FAM83H: variants seen among roughly 807,000 people sequenced by gnomAD.
The protein encoded by FAM83H is protein FAM83H.
A neutral mutation model predicts 30.2 loss-of-function variants in FAM83H; 24 were observed. That is an observed-to-expected ratio of 0.79 (90% confidence interval 0.57 to 1.12). The LOEUF (loss-of-function observed/expected upper bound fraction) is 1.12. Ranked by LOEUF, FAM83H falls within the 50% of genes most tolerant of loss-of-function variation. The pLI, the probability that FAM83H is intolerant of heterozygous loss-of-function variation, is 0.00. For synonymous variants in FAM83H, 1,013 were observed against 821.7 expected, an observed-to-expected ratio of 1.23 and a Z score of -3.98; for missense variants, 2,038 against 1,773.9, an observed-to-expected ratio of 1.15 and a Z score of -2.67.
chr8:143,730,612 A>C lies in FAM83H; in HGVS notation c.-15-15T>G. 6.6e-7 allele frequency: 1 copy of C among 1,506,654 alleles called. No homozygotes were observed. Among genetic ancestry groups the C allele is most frequent in the South Asian group, 1.3e-5 (1 of 77,202 alleles). 93.3% of individuals were successfully genotyped at this position (1,506,654 alleles called of 1,614,324 possible). A position where few individuals can be genotyped will look rare whatever the true frequency, so the allele number is the denominator to read the frequency against. ...GGGCCAGGGGCCTGGAGGGGCAGGG[A>C]GACACATGACTAGGGGTGGGGGCAC... On this transcript the variant is annotated splice_polypyrimidine_tract_variant and intron_variant, in intron 1 of 4. Transcript: ENST00000388913.
chr8:143,732,213 T>C, intron 1 of FAM83H: 1 of 985,410 alleles, frequency 1.0e-6, no homozygotes. Flanking sequence ...AAATACCTGG[T>C]GCCACTCAAC....
At position 143,728,906 on chromosome 8, in the gene FAM83H, G is replaced by A. The variant is rs1185672552; in HGVS notation, c.737+61C>T. 3 of 1,611,242 alleles carry A rather than the reference G, an allele frequency of 1.9e-6. No homozygotes were observed. In the African/African-American group the frequency reaches 4.0e-5, roughly 22 times the overall value. On this transcript the variant is annotated intron_variant, in intron 4 of 4. Transcript: ENST00000388913. The stretch of plus-strand genomic sequence containing the variant: ...CGAGGAGGGCCCTGGTGTGGAAAGG[G>A]GGTGCTGGGGTTACAGGAGGAGGCC...
intron 1 of FAM83H, chr8:143,732,805 CAAGG>C (rs1818575508): frequency 1.1e-6 from 1 of 930,548 alleles, no homozygotes; most frequent in African/African-American, 1.8e-5. Context: ...AACGTCTGCC[CAAGG>C]GAGGGAGGGC....
chr8:143,726,723 C>T lies in FAM83H; in HGVS notation c.2738G>A (p.Gly913Asp). 1.2e-6 allele frequency: 2 copies of T among 1,609,188 alleles called. No individual in the cohort carries two copies. The highest frequency in any genetic ancestry group is 1.7e-4 in the Middle Eastern group (1 of 6,032). Residue 913 changes from glycine to aspartate, a missense_variant, in exon 5 of 5, where the codon GGT becomes GAT. Gly to Asp is a moderately conservative substitution (Grantham distance 94). Transcript: ENST00000388913. ...SPTSAYPERR[G>D]SPVPPVPERR... ...CTCCGGCACGGGGGGCACCGGACTA[C>T]CCCTGCGCTCGGGGTAGGCTGAGGT...
At chr8:143,731,556 C>T (rs1314398812) in intron 1 of FAM83H, 1 of 985,252 alleles carries the variant, frequency 1.0e-6, no homozygotes, top group Non-Finnish European at 1.2e-6. Context: ...GACTCCGTCC[C>T]TGTCTCCCAG....
chr8:143,731,398 A>G, intron 1 of FAM83H: 2 of 985,216 alleles, frequency 2.0e-6, no homozygotes, highest in Non-Finnish European at 2.4e-6. Context: ...AGCGCAGCAA[A>G]CAGGGCTGTG....
Position 143,729,109 on chromosome 8 carries a change from T to C in FAM83H, c.613-18A>G. 1 of 1,612,126 alleles carries C rather than the reference T, an allele frequency of 6.2e-7. No homozygotes were observed. Among genetic ancestry groups the C allele is most frequent in the Non-Finnish European group, 8.5e-7 (1 of 1,179,626 alleles). On this transcript the variant is annotated intron_variant, in intron 3 of 4. Coordinates refer to ENST00000388913, the MANE Select transcript of FAM83H (RefSeq NM_198488.5). The stretch of plus-strand genomic sequence containing the variant: ...CGCAGGAACTGGGGAGGGAGGGGAG[T>C]CAGATCTCTCCCACGGGTCCTCCCC...
chr8:143,726,023 G>A lies in FAM83H; in HGVS notation c.3438C>T (p.Ser1146=), dbSNP rs782422493. Residue 1146 remains serine (S), a synonymous_variant, in exon 5 of 5, where the codon AGC becomes AGT. Coordinates refer to ENST00000388913, the MANE Select transcript of FAM83H (RefSeq NM_198488.5). ...CGGGGCCTTCCCCTGCCCCAGGGCT[G>A]CTGGCCTCCTCTTTCTTGCAGAAGA... is the stretch of plus-strand genomic sequence containing the variant. ...FEVFCKKEEA[S]SPGAGEGPAE... The A allele has an allele frequency of 2.5e-6, 4 of 1,612,908 alleles. No homozygotes were observed. The South Asian group carries it at 4.4e-5, about 18-fold the overall frequency.
Position 143,728,526 on chromosome 8 carries a change from G to C in FAM83H, c.935C>G (p.Pro312Arg), listed in dbSNP as rs1387651086. The part of the protein sequence containing the change: ...YAGAGPLVGV[P>R]GVGAPTPFSF... The stretch of plus-strand genomic sequence containing the variant: ...GAAGGGGGTTGGCGCCCCGACCCCA[G>C]GGACGCCCACGAGAGGCCCGGCCCC... The change falls in exon 5 of 5, where the codon CCT becomes CGT. Residue 312 changes from proline (P) to arginine (R), a missense_variant. Transcript: ENST00000388913. 6.4e-7 allele frequency: 1 copy of C among 1,563,888 alleles called. No individual in the cohort carries two copies. Among genetic ancestry groups the C allele is most frequent in the African/African-American group, 1.4e-5 (1 of 73,638 alleles).
At chr8:143,731,601 T>C (rs1818523819) in intron 1 of FAM83H, 4 of 985,448 alleles carry the variant, frequency 4.1e-6, no homozygotes, top group Admixed American at 6.1e-5. Context: ...CTTTGACCTC[T>C]TTCTTGTCAC....
chr8:143,728,953 C>T lies in FAM83H; in HGVS notation c.737+14G>A. 2 of 1,613,368 alleles carry T rather than the reference C, an allele frequency of 1.2e-6. No homozygotes were observed. Among genetic ancestry groups the T allele is most frequent in the Non-Finnish European group, 1.7e-6 (2 of 1,179,958 alleles). On this transcript the variant is annotated intron_variant, in intron 4 of 4. Coordinates refer to ENST00000388913, the MANE Select transcript of FAM83H (RefSeq NM_198488.5). ...GGCCCCAGAGAAGGGGGTGAGGGAGCCCCGCGGGCGCACCTGTAGCTCCCA... is the reference window on the plus strand; with the variant it reads ...GGCCCCAGAGAAGGGGGTGAGGGAGTCCCGCGGGCGCACCTGTAGCTCCCA...
chr8:143,730,327 C>G lies in FAM83H; in HGVS notation c.256G>C (p.Val86Leu). 2 of 1,613,808 alleles carry G rather than the reference C, an allele frequency of 1.2e-6. No homozygotes were observed. The highest frequency in any genetic ancestry group is 1.7e-6 in the Non-Finnish European group (2 of 1,180,038). Residue 86 changes from valine to leucine, a missense_variant, in exon 2 of 5, where the codon GTG becomes CTG. Val to Leu is a conservative substitution (Grantham distance 32, BLOSUM62 1). Transcript: ENST00000388913. ...GTACCCGAGGAGCCATCCATGTCCA[C>G]GTCGAGAAGGCTGCCTTCAGGTGGC... is the stretch of plus-strand genomic sequence containing the variant. Reference protein sequence around the residue: ...REPPEGSLLDVDMDGSSGTYW... With the variant: ...REPPEGSLLDLDMDGSSGTYW...
rs781882309 is a variant in FAM83H, at chr8:143,727,295, G to A, written c.2166C>T (p.Gly722=). Reference sequence around the variant, plus strand: ...AAGCCGCGGAGCGCACGGCCTCTCCGCCGGGCCCCAGCGTCTCGCTGACCG... The same window carrying A: ...AAGCCGCGGAGCGCACGGCCTCTCCACCGGGCCCCAGCGTCTCGCTGACCG... The part of the protein sequence containing the change: ...EQTVSETLGP[G]GEAVRSAAST... Residue 722 remains glycine, a synonymous_variant, in exon 5 of 5, where the codon GGC becomes GGT. Coordinates refer to ENST00000388913, the MANE Select transcript of FAM83H (RefSeq NM_198488.5). The A allele has an allele frequency of 5.9e-6, 9 of 1,538,042 alleles. No individual in the cohort carries two copies. The highest frequency in any genetic ancestry group is 2.0e-5 in the Admixed American group (1 of 51,210).
rs2129648125 is a variant in FAM83H, at chr8:143,725,147, G to A, written c.*774C>T. 8.1e-6 allele frequency: 1 copy of A among 123,802 alleles called. No homozygotes were observed. Among genetic ancestry groups the A allele is most frequent in the East Asian group, 2.8e-4 (1 of 3,540 alleles). The allele number at this position is 123,802 out of a possible 1,614,324, so 7.7% of individuals were successfully genotyped here. A position where few individuals can be genotyped will look rare whatever the true frequency, so the allele number is the denominator to read the frequency against. On this transcript the variant is annotated 3_prime_UTR_variant, in exon 5 of 5. Coordinates refer to ENST00000388913, the MANE Select transcript of FAM83H (RefSeq NM_198488.5). Reference sequence around the variant, plus strand: ...AAGGAAGTGAAGCCCAGGCGGGGGAGGGGGGAGACGGGGGGGGGGGGGGGG... The same window carrying A: ...AAGGAAGTGAAGCCCAGGCGGGGGAAGGGGGAGACGGGGGGGGGGGGGGGG...
At chr8:143,732,570 T>C (rs1818565178) in intron 1 of FAM83H, 5 of 985,354 alleles carry the variant, frequency 5.1e-6, no homozygotes, top group Non-Finnish European at 4.8e-6. Flanking sequence ...CTGTGTGTAA[T>C]GGGGGCAGGG....
Position 143,729,136 on chromosome 8 carries a change from A to G in FAM83H, c.612+23T>C, listed in dbSNP as rs782661739. On this transcript the variant is annotated intron_variant, in intron 3 of 4. Coordinates refer to ENST00000388913, the MANE Select transcript of FAM83H (RefSeq NM_198488.5). ...AGATCTCTCCCACGGGTCCTCCCCAATCTCCCACTCCCGGGAACTCACATC... is the reference window on the plus strand; with the variant it reads ...AGATCTCTCCCACGGGTCCTCCCCAGTCTCCCACTCCCGGGAACTCACATC... 1.5e-5 allele frequency: 25 copies of G among 1,613,474 alleles called. No homozygotes were observed. The East Asian group carries it at 3.3e-4, about 22-fold the overall frequency.
At position 143,726,564 on chromosome 8, in the gene FAM83H, G is replaced by A; in HGVS notation, c.2897C>T (p.Ser966Phe). The change falls in exon 5 of 5, where the codon TCC becomes TTC. Residue 966 changes from serine to phenylalanine, a missense_variant. Ser to Phe is a radical substitution (Grantham distance 155). Transcript: ENST00000388913. ...SGPMEVLRKGSLRLRQLLSPK... is the reference protein window; with the variant it reads ...SGPMEVLRKGFLRLRQLLSPK... ...GCTCAGCAGCTGCCTAAGACGCAAG[G>A]AGCCTTTGCGCAGGACTTCCATGGG... The A allele has an allele frequency of 6.2e-7, 1 of 1,603,520 alleles. No individual in the cohort carries two copies. The highest frequency in any genetic ancestry group is 8.5e-7 in the Non-Finnish European group (1 of 1,178,830).
chr8:143,730,351 G>A lies in FAM83H; in HGVS notation c.232C>T (p.Pro78Ser), dbSNP rs781935384. The A allele has an allele frequency of 1.2e-6, 2 of 1,613,740 alleles. No homozygotes were observed. The highest frequency in any genetic ancestry group is 2.2e-5 in the East Asian group (1 of 44,882). ...ACGTCGAGAAGGCTGCCTTCAGGTG[G>A]CTCTCGGGTAACATACTGCGGAGGC... ...LRPPQYVTRE[P>S]PEGSLLDVDM... Residue 78 changes from proline (P) to serine (S), a missense_variant, in exon 2 of 5, where the codon CCA becomes TCA. Physicochemically the swap from Pro to Ser is moderately conservative, Grantham distance 74. Transcript: ENST00000388913.
chr8:143,729,112 G>A, intron 3 of FAM83H, 21 bp from the exon 4 acceptor site: 1 of 1,613,618 alleles, frequency 6.2e-7, no homozygotes, highest in Non-Finnish European at 8.5e-7. Context: ...AGGGGAGTCA[G>A]ATCTCTCCCA....
Sources: allele counts gnomAD v4.1 joint callset, GRCh38; gene constraint gnomAD v4.1.1; transcripts MANE v1.5; gene names NCBI Gene and HGNC (gene_info 2026-07-23, HGNC 2026-07-21).